ALDH1L1: variants seen among roughly 807,000 people sequenced by gnomAD.
The protein encoded by ALDH1L1 is cytosolic 10-formyltetrahydrofolate dehydrogenase.
A neutral mutation model predicts 101.1 loss-of-function variants in ALDH1L1; 68 were observed. That is an observed-to-expected ratio of 0.67 (90% CI 0.55 to 0.82). The LOEUF (loss-of-function observed/expected upper bound fraction) is 0.82, where lower values mean the gene tolerates loss of function less well. Among genes scored for constraint, ALDH1L1 ranks in the 40% least tolerant of loss-of-function variants. The pLI, the probability that ALDH1L1 is intolerant of heterozygous loss-of-function variation, is 0.00. For missense variants in ALDH1L1, 1,087 were observed against 1,172.7 expected (o/e 0.93, Z 1.07); for synonymous variants, 486 against 470.8 (o/e 1.03, Z -0.42).
At chr3:126,141,435 T>G (rs1330841192) in intron 9 of ALDH1L1, among the ~76,000 whole-genome samples, 1 of 152,104 alleles carries the variant, frequency 6.6e-6, no homozygotes, top group Non-Finnish European at 1.5e-5. Flanking sequence ...ACATTCTTCA[T>G]GATAAATCAT....
chr3:126,119,636 AGTTAAAG>A (rs2080040873), intron 16 of ALDH1L1, among the ~76,000 whole-genome samples: 2 of 152,208 alleles, frequency 1.3e-5, no homozygotes, highest in Admixed American at 6.5e-5. Context: ...CTCTATATAC[AGTTAAAG>A]CTCTACCAGT....
At chr3:126,130,440 C>T in intron 13 of ALDH1L1, 147 bp from the exon 14 acceptor site, 2 of 611,158 alleles carry the variant, frequency 3.3e-6, no homozygotes. Context: ...GGCAGGGGGG[C>T]AGCCAGAGGG....
rs767211760 is a variant in ALDH1L1 at position 126,114,800 on chromosome 3, C to CA, written c.1983-145dup. 2.3e-5 allele frequency: 17 copies of CA among 748,590 alleles called. No individual in the cohort carries two copies. In the South Asian group the frequency reaches 2.3e-4, roughly 10 times the overall value. The allele number at this position is 748,590 out of a possible 1,614,324, so 46.4% of individuals were successfully genotyped here. ...CGGCCAGTGCCTCCCCACTCCCCCC[C>CA]ACCCCTTGCGGCTTCACACGGCCAC... On this transcript the variant is annotated intron_variant, in intron 17 of 22. Coordinates refer to ENST00000393434, the MANE Select transcript of ALDH1L1 (RefSeq NM_012190.4).
chr3:126,133,089 C>A (rs2080348341), intron 12 of ALDH1L1, among the ~76,000 whole-genome samples: 2 of 152,224 alleles, frequency 1.3e-5, no homozygotes, highest in African/African-American at 4.8e-5. Context: ...AAATGAGACC[C>A]ATTTGCTCCA....
intron 20 of ALDH1L1, 21 bp from the exon 21 acceptor site, chr3:126,107,267 C>G (rs190583870): frequency 1.3e-6 from 2 of 1,597,940 alleles, no homozygotes; most frequent in Non-Finnish European, 8.6e-7. Flanking sequence ...GATAAAAGCC[C>G]GTTGCACATG....
chr3:126,186,300 C>CT (rs1292677213), upstream of ALDH1L1, among the ~76,000 whole-genome samples: 2 of 152,246 alleles, frequency 1.3e-5, no homozygotes, highest in Admixed American at 6.5e-5. Flanking sequence ...AAAGGAGCAA[C>CT]TGGGCCTTCT....
intron 11 of ALDH1L1, 45 bp downstream of exon 11, chr3:126,136,719 G>A (rs9282695): frequency 1.9e-5 from 29 of 1,552,110 alleles, no homozygotes; most frequent in Non-Finnish European, 2.4e-5. Context: ...AGGAAGGACA[G>A]GGAGGCTGGG....
intron 1 of ALDH1L1, among the ~76,000 whole-genome samples, chr3:126,190,826 T>C (rs1992855): frequency 0.36 from 54,146 of 152,162 alleles, 10,385 homozygotes; most frequent in Middle Eastern, 0.49. Flanking sequence ...TTCCATAACA[T>C]GCTGAAATTA....
At chr3:126,171,669 T>C (rs2108326132) in intron 1 of ALDH1L1, among the ~76,000 whole-genome samples, 1 of 152,278 alleles carries the variant, frequency 6.6e-6, no homozygotes, top group South Asian at 2.1e-4. Flanking sequence ...TCTCAACATA[T>C]CTACCCTCAT....
chr3:126,103,757 G>A lies in ALDH1L1; in HGVS notation c.*34C>T. The A allele has an allele frequency of 6.2e-7, 1 of 1,609,336 alleles. No individual in the cohort carries two copies. The highest frequency in any genetic ancestry group is 8.5e-7 in the Non-Finnish European group (1 of 1,177,538). On this transcript the variant is annotated 3_prime_UTR_variant, in exon 23 of 23. Transcript: ENST00000393434. ...GGGAGGGGGCCCCAGCCACGAGGGA[G>A]GGGCAGGGACTTTCTTCTCACAAAG...
In ALDH1L1 at chr3:126,137,844, T is replaced by A. The variant is rs749989218; in HGVS notation, c.1193A>T (p.Asp398Val). The stretch of plus-strand genomic sequence containing the variant: ...AATGCTGCACTCGCCCTCCTCATCG[T>A]CCCCTCGCAGCTTCCTCACTAACAG... ...IQLLVRKLRG[D>V]DEEGECSIDY... The change falls in exon 10 of 23, where the codon GAC becomes GTC. Residue 398 changes from aspartate to valine, a missense_variant. Asp to Val is a radical substitution (Grantham distance 152, BLOSUM62 -3). Coordinates refer to ENST00000393434, the MANE Select transcript of ALDH1L1 (RefSeq NM_012190.4). 1 of 1,614,070 alleles carries A rather than the reference T, an allele frequency of 6.2e-7. No individual in the cohort carries two copies. Among genetic ancestry groups the A allele is most frequent in the East Asian group, 2.2e-5 (1 of 44,876 alleles).
At chr3:126,141,786 C>T (rs2080573735) in intron 9 of ALDH1L1, among the ~76,000 whole-genome samples, 1 of 151,792 alleles carries the variant, frequency 6.6e-6, no homozygotes, top group Non-Finnish European at 1.5e-5. Flanking sequence ...CACTGTACAC[C>T]TTAAGGAATG....
At chr3:126,139,535 C>T (rs1357068663) in intron 9 of ALDH1L1, among the ~76,000 whole-genome samples, 4 of 152,060 alleles carry the variant, frequency 2.6e-5, no homozygotes, top group Non-Finnish European at 5.9e-5. Context: ...AGCCCATTCA[C>T]AGGAACAAAA....
intron 19 of ALDH1L1, 152 bp downstream of exon 19, chr3:126,112,630 C>T (rs937107523): frequency 2.4e-5 from 16 of 675,168 alleles, no homozygotes; most frequent in African/African-American, 1.3e-4. Flanking sequence ...GCACAGCTCC[C>T]GCTGTGGGTT....
At chr3:126,160,336 C>G (rs2081016259) in intron 2 of ALDH1L1, 1 of 153,036 alleles carries the variant, frequency 6.5e-6, no homozygotes, top group Non-Finnish European at 1.5e-5. Flanking sequence ...AGTCGAGTTT[C>G]CCACCTTTGG....
rs1292302149 is a variant in ALDH1L1, at chr3:126,105,717, G to C, written c.2653+9C>G. 6.2e-7 allele frequency: 1 copy of C among 1,614,072 alleles called. No individual in the cohort carries two copies. The highest frequency in any genetic ancestry group is 8.5e-7 in the Non-Finnish European group (1 of 1,180,002). On this transcript the variant is annotated intron_variant, in intron 22 of 22. Coordinates refer to ENST00000393434, the MANE Select transcript of ALDH1L1 (RefSeq NM_012190.4). ...AATGAAAGCAACCCCACAGGCAGGA[G>C]TAGGTTACCTAGATCTTTGCCAAAT...
At chr3:126,135,056 A>T (rs949569398) in intron 12 of ALDH1L1, 32 of 144,990 alleles carry the variant, frequency 2.2e-4, no homozygotes, top group African/African-American at 6.5e-4. Flanking sequence ...CCTGGCTTAA[A>T]TTTTTTTTTT....
At chr3:126,163,727 C>T (rs2081107863) in intron 1 of ALDH1L1, among the ~76,000 whole-genome samples, 1 of 152,094 alleles carries the variant, frequency 6.6e-6, no homozygotes, top group Non-Finnish European at 1.5e-5. Flanking sequence ...AATGTTAAGC[C>T]ACCTTTGCAT....
intron 9 of ALDH1L1, among the ~76,000 whole-genome samples, chr3:126,145,823 G>A (rs2080663319): frequency 6.6e-6 from 1 of 152,186 alleles, no homozygotes; most frequent in Admixed American, 6.5e-5. Context: ...GTTGTATTAT[G>A]TGTTTTTTTG....
Sources: gnomAD v4.1 joint callset for allele counts (sites outside exome capture counted in the v4.1 genomes callset) on GRCh38, gnomAD v4.1.1 for gene constraint, MANE v1.5 for transcripts, NCBI Gene and HGNC (gene_info 2026-07-23, HGNC 2026-07-21) for gene names.